SAMMSON: variants seen among roughly 807,000 people sequenced by gnomAD.
SAMMSON encodes the protein survival associated mitochondrial melanoma specific oncogenic non-coding RNA.
chr3:70,181,053 T>G (rs1002278004), intron 4 of SAMMSON, among the ~76,000 whole-genome samples: 1 of 152,102 alleles, frequency 6.6e-6, no homozygotes, highest in African/African-American at 2.4e-5. Flanking sequence ...GTGAGGAGCT[T>G]GGAATTTATC....
At chr3:70,292,943 A>G (rs1039704754) in intron 7 of SAMMSON, among the ~76,000 whole-genome samples, 5 of 151,928 alleles carry the variant, frequency 3.3e-5, no homozygotes, top group African/African-American at 9.6e-5. Context: ...AAAAACATAC[A>G]TACAATTAAT....
chr3:70,309,447 A>AT (rs1702436310), intron 7 of SAMMSON, among the ~76,000 whole-genome samples: 1 of 152,208 alleles, frequency 6.6e-6, no homozygotes, highest in Non-Finnish European at 1.5e-5. Flanking sequence ...GAGGGAAAAA[A>AT]ACAGAGAAGT....
At chr3:70,163,342 A>G (rs2067623689) in intron 4 of SAMMSON, among the ~76,000 whole-genome samples, 1 of 145,086 alleles carries the variant, frequency 6.9e-6, no homozygotes, top group African/African-American at 2.5e-5. Flanking sequence ...ATCTATATAG[A>G]ATATATATAT....
chr3:70,082,100 T>C (rs2067269832), intron 4 of SAMMSON, among the ~76,000 whole-genome samples: 1 of 152,182 alleles, frequency 6.6e-6, no homozygotes, highest in Admixed American at 6.5e-5. Context: ...ATGTTGAAGA[T>C]ATCAGTCAAC....
intron 4 of SAMMSON, among the ~76,000 whole-genome samples, chr3:70,221,679 T>C (rs1179285669): frequency 6.6e-6 from 1 of 152,192 alleles, no homozygotes; most frequent in Non-Finnish European, 1.5e-5. Flanking sequence ...TGGTCAATGA[T>C]GCCAAGGTTC....
chr3:70,344,933 A>G (rs1702739390), intron 7 of SAMMSON, among the ~76,000 whole-genome samples: 2 of 152,206 alleles, frequency 1.3e-5, no homozygotes, highest in Admixed American at 6.6e-5. Flanking sequence ...ATGATATAAA[A>G]AACAAATATC....
At chr3:70,251,725 T>A (rs1701770833) in intron 6 of SAMMSON, among the ~76,000 whole-genome samples, 1 of 152,130 alleles carries the variant, frequency 6.6e-6, no homozygotes, top group East Asian at 1.9e-4. Flanking sequence ...CCTAATACCA[T>A]ACCTAAGTAG....
In SAMMSON at chr3:70,170,579, C is replaced by CTT. The variant is rs538385626; in HGVS notation, n.508-78507_508-78506dup. ...AGAATCACTTGCAGTCTAGATTTTC[C>CTT]TTTTTTTTTTTTTTTTTTTTTTGTA... On this transcript the variant is annotated intron_variant and non_coding_transcript_variant, in intron 4 of 9. Coordinates refer to ENST00000642114, the Ensembl canonical transcript of SAMMSON. 3.3e-3 allele frequency among the ~76,000 whole-genome samples: 352 copies of CTT among 105,446 alleles called. 1 individual carries two copies. Among genetic ancestry groups the CTT allele is most frequent in the Non-Finnish European group, 4.0e-3 (215 of 53,366 alleles). The allele number at this position is 105,446 out of a possible 152,430, so 69.2% of individuals were successfully genotyped here. A position where few individuals can be genotyped will look rare whatever the true frequency, so the allele number is the denominator to read the frequency against.
At chr3:70,004,836 C>T (rs546841475) in intron 1 of SAMMSON, among the ~76,000 whole-genome samples, 68 of 152,286 alleles carry the variant, frequency 4.5e-4, no homozygotes, top group African/African-American at 1.5e-3. Context: ...TTTCTCTGAT[C>T]ACGTGTAAAA....
chr3:70,042,651 A>G (rs1392473515), intron 3 of SAMMSON, among the ~76,000 whole-genome samples: 1 of 152,062 alleles, frequency 6.6e-6, no homozygotes, highest in African/African-American at 2.4e-5. Context: ...TGAGTTGTAG[A>G]TCTCATTTCT....
intron 7 of SAMMSON, among the ~76,000 whole-genome samples, chr3:70,322,402 C>A (rs1467357762): frequency 6.6e-6 from 1 of 152,074 alleles, no homozygotes; most frequent in Non-Finnish European, 1.5e-5. Flanking sequence ...TTGTCAAGTT[C>A]TTTGTCATCT....
At chr3:70,131,878 A>T (rs1257483965) in intron 4 of SAMMSON, among the ~76,000 whole-genome samples, 1 of 152,156 alleles carries the variant, frequency 6.6e-6, no homozygotes, top group Non-Finnish European at 1.5e-5. Context: ...ATGCGTGGTC[A>T]GGATTTGCAA....
chr3:70,033,660 G>A (rs2067074267), intron 3 of SAMMSON, among the ~76,000 whole-genome samples: 1 of 152,184 alleles, frequency 6.6e-6, no homozygotes, highest in Non-Finnish European at 1.5e-5. Context: ...AGGCAGTTAT[G>A]AGACTATTGT....
At chr3:70,426,633 C>T (rs1333077266) in intron 2 of SAMMSON, among the ~76,000 whole-genome samples, 2 of 152,176 alleles carry the variant, frequency 1.3e-5, no homozygotes, top group Non-Finnish European at 2.9e-5. Context: ...CCTGAAAATT[C>T]CTCTTCCTGT....
At chr3:70,126,937 A>G (rs1356118030) in intron 4 of SAMMSON, 4 of 152,406 alleles carry the variant, frequency 2.6e-5, no homozygotes, top group African/African-American at 9.7e-5. Flanking sequence ...CTGGTCTTGA[A>G]CTCCTGACTT....
At chr3:70,019,512 C>G (rs999990991) in intron 3 of SAMMSON, among the ~76,000 whole-genome samples, 13 of 152,192 alleles carry the variant, frequency 8.5e-5, no homozygotes, top group Non-Finnish European at 1.9e-4. Context: ...ATACAGCGCA[C>G]TGATGGGTCT....
chr3:70,387,563 T>A (rs2106755336), intron 9 of SAMMSON, among the ~76,000 whole-genome samples: 1 of 152,226 alleles, frequency 6.6e-6, no homozygotes, highest in East Asian at 1.9e-4. Flanking sequence ...TAACTTGAAG[T>A]TATTTTTGGA....
intron 7 of SAMMSON, among the ~76,000 whole-genome samples, chr3:70,309,224 G>A (rs1702434604): frequency 6.6e-6 from 1 of 152,086 alleles, no homozygotes; most frequent in South Asian, 2.1e-4. Flanking sequence ...TAAGAGCCCT[G>A]CAAATTTGAG....
At chr3:70,039,382 GGA>G (rs1374530082) in intron 3 of SAMMSON, among the ~76,000 whole-genome samples, 1 of 151,918 alleles carries the variant, frequency 6.6e-6, no homozygotes, top group African/African-American at 2.4e-5. Flanking sequence ...CTCCATGTTG[GGA>G]GTGAGCCTCA....
Sources: gnomAD v4.1 joint callset for allele counts (sites outside exome capture counted in the v4.1 genomes callset) on GRCh38, gnomAD v4.1.1 for gene constraint, MANE v1.5 for transcripts, NCBI Gene and HGNC (gene_info 2026-07-23, HGNC 2026-07-21) for gene names.